The following SI variants were observed in gnomAD, a reference collection of about 807,000 sequenced individuals.
SI encodes sucrase-isomaltase.
A neutral mutation model predicts 253.3 loss-of-function variants in SI; 235 were observed. The ratio of observed to expected loss-of-function variants is 0.93; its 90% CI spans 0.83 to 1.03. SI has a LOEUF of 1.03. SI is among the 50% of genes least tolerant of loss of function. The pLI, the probability that SI is intolerant of heterozygous loss-of-function variation, is 0.00. For synonymous variants in SI, 819 were observed against 712.0 expected (o/e 1.15, Z -2.39); for missense variants, 2,442 against 2,211.1 (o/e 1.10, Z -2.09).
intron 22 of SI, 55 bp from the exon 23 acceptor site, chr3:165,033,499 T>G: frequency 7.1e-7 from 1 of 1,409,050 alleles, no homozygotes. Flanking sequence ...TTCTCTGCTC[T>G]GGTTTTACAC....
intron 22 of SI, 114 bp from the exon 23 acceptor site, chr3:165,033,558 G>T (rs186656971): frequency 3.0e-6 from 3 of 1,006,578 alleles, no homozygotes; most frequent in African/African-American, 1.7e-5. Context: ...GTTTATTAAT[G>T]AAGCATCCCA....
At chr3:165,087,299 C>T in the SI span, among the ~76,000 whole-genome samples, 2 of 151,888 alleles carry the variant, frequency 1.3e-5, no homozygotes, top group Non-Finnish European at 2.9e-5. Flanking sequence ...ATAATGGAGG[C>T]CAAACTAGAA....
intron 12 of SI, among the ~76,000 whole-genome samples, chr3:165,055,801 AT>A (rs1415620568): frequency 6.6e-6 from 1 of 152,108 alleles, no homozygotes; most frequent in Non-Finnish European, 1.5e-5. Context: ...TATAATCTTC[AT>A]TAGAATTTTT....
In SI at chr3:164,999,363, G is replaced by C. The variant is rs377160593; in HGVS notation, c.4407-690C>G. 2.0e-5 allele frequency among the ~76,000 whole-genome samples: 3 copies of C among 151,666 alleles called. No individual in the cohort carries two copies. In the East Asian group the frequency reaches 5.8e-4, roughly 29 times the overall value. ...AAGTATTTTTATATCATCTTCATCT[G>C]TTTTCTTCTATCTCCCTTTCTTTTC... On this transcript the variant is annotated intron_variant, in intron 37 of 47. Coordinates refer to ENST00000264382, the MANE Select transcript of SI (RefSeq NM_001041.4).
At chr3:165,017,733 T>C (rs745541149) in intron 30 of SI, 28 bp downstream of exon 30, 2 of 1,597,750 alleles carry the variant, frequency 1.3e-6, no homozygotes, top group Non-Finnish European at 1.7e-6. Context: ...AAATTTTTAA[T>C]TTTTTTAAAA....
Position 165,067,320 on chromosome 3 carries a change from T to C in SI, c.635+20A>G, listed in dbSNP as rs1292202163. On this transcript the variant is annotated intron_variant, in intron 6 of 47. Transcript: ENST00000264382. ...ATAATAATAGAATAAACTTATATAATTGTAAAATAATACACTTACAAAGTT... is the reference window on the plus strand; with the variant it reads ...ATAATAATAGAATAAACTTATATAACTGTAAAATAATACACTTACAAAGTT... The C allele has an allele frequency of 6.5e-7, 1 of 1,536,776 alleles. No individual in the cohort carries two copies. Among genetic ancestry groups the C allele is most frequent in the Admixed American group, 1.7e-5 (1 of 59,184 alleles).
chr3:164,979,484 T>A (rs1717075258), intron 47 of SI, 54 bp from the exon 48 acceptor site: 1 of 991,748 alleles, frequency 1.0e-6, no homozygotes, highest in African/African-American at 1.6e-5. Flanking sequence ...TTTTTCTTAT[T>A]TTCATGAATG....
At chr3:164,992,949 GT>G (rs1005894517) in intron 41 of SI, among the ~76,000 whole-genome samples, 1 of 150,886 alleles carries the variant, frequency 6.6e-6, no homozygotes, top group African/African-American at 2.4e-5. Context: ...GTTTTGTTTT[GT>G]TTTTTAATGG....
chr3:165,027,244 A>C (rs1341142975), intron 25 of SI, among the ~76,000 whole-genome samples: 1 of 150,684 alleles, frequency 6.6e-6, no homozygotes, highest in Non-Finnish European at 1.5e-5. Flanking sequence ...GGAATGACAC[A>C]ACCTTAAATC....
intron 16 of SI, 150 bp from the exon 17 acceptor site, chr3:165,043,325 ATTTTTGCTCTATCC>A: frequency 3.4e-6 from 2 of 586,286 alleles, no homozygotes; most frequent in Admixed American, 3.0e-5. Flanking sequence ...TTTATTTTCC[ATTTTTGCTCTATCC>A]TTGTCTCTAG....
chr3:165,065,464 A>ATATATATATATATATATATAT (rs1714194591), intron 6 of SI, 32 bp from the exon 7 acceptor site: 2 of 194,480 alleles, frequency 1.0e-5, no homozygotes, highest in Non-Finnish European at 1.6e-5. Context: ...GAAATAATCT[A>ATATATATATATATATATATAT]ATATATATAT....
At chr3:165,047,639 A>T (rs1228921197) in intron 15 of SI, among the ~76,000 whole-genome samples, 1 of 152,066 alleles carries the variant, frequency 6.6e-6, no homozygotes, top group Non-Finnish European at 1.5e-5. Context: ...AAATTACATA[A>T]ACATGGGCAT....
intron 28 of SI, among the ~76,000 whole-genome samples, chr3:165,018,595 T>G (rs1233034985): frequency 6.6e-6 from 1 of 150,906 alleles, no homozygotes; most frequent in Non-Finnish European, 1.5e-5. Flanking sequence ...CATTGTTTCA[T>G]ACTGTAATCA....
chr3:165,072,165 A>C (rs1714620427), intron 3 of SI, among the ~76,000 whole-genome samples: 1 of 151,972 alleles, frequency 6.6e-6, no homozygotes, highest in Non-Finnish European at 1.5e-5. Context: ...TTTTTTTTTA[A>C]ATTAAGGAAA....
Position 164,983,040 on chromosome 3 carries a change from T to C in SI, c.5209A>G (p.Arg1737Gly), listed in dbSNP as rs759533396. 1.2e-5 allele frequency: 19 copies of C among 1,546,344 alleles called. No homozygotes were observed. In the African/African-American group the frequency reaches 2.2e-4, roughly 18 times the overall value. Residue 1737 changes from arginine to glycine, a missense_variant, in exon 46 of 48, where the codon AGA (arginine) becomes GGA (glycine). By Grantham distance (125) the Arg-to-Gly change is moderately radical. Coordinates refer to ENST00000264382, the MANE Select transcript of SI (RefSeq NM_001041.4). ...DDGESIDTYE[R>G]DLYLSVQFNL... ...AATTGTACAGATAAATATAGGTCTC[T>C]TTCATAGGTGTCTGTAGAGAGAGAA... is the stretch of plus-strand genomic sequence containing the variant.
chr3:165,074,467 A>G, intron 3 of SI, 64 bp downstream of exon 3: 2 of 1,019,782 alleles, frequency 2.0e-6, no homozygotes, highest in African/African-American at 1.6e-5. Context: ...TCCAATATTC[A>G]GCAATTATCT....
chr3:164,992,748 A>T (rs1717825310), intron 41 of SI, among the ~76,000 whole-genome samples: 1 of 151,832 alleles, frequency 6.6e-6, no homozygotes, highest in African/African-American at 2.4e-5. Flanking sequence ...CATATTAAAA[A>T]CACTGGAAGA....
intron 32 of SI, 112 bp from the exon 33 acceptor site, chr3:165,015,345 C>A: frequency 1.3e-6 from 1 of 743,150 alleles, no homozygotes; most frequent in Non-Finnish European, 2.4e-6. Context: ...AATGTGCTCT[C>A]ACATTAAATG....
chr3:165,018,326 T>G (rs1427702196), intron 28 of SI, among the ~76,000 whole-genome samples: 1 of 150,748 alleles, frequency 6.6e-6, no homozygotes, highest in Non-Finnish European at 1.5e-5. Context: ...TATGTATATA[T>G]TTGTATTAAT....
Sources: allele counts gnomAD v4.1 joint callset (sites outside exome capture counted in the v4.1 genomes callset), GRCh38; gene constraint gnomAD v4.1.1; transcripts MANE v1.5; gene names NCBI Gene and HGNC (gene_info 2026-07-23, HGNC 2026-07-21).